Variants in TNPO1 observed in about 807,000 individuals in gnomAD.
TNPO1 encodes the protein transportin 1.
TNPO1 carries 8 observed loss-of-function variants against 119.5 expected under a neutral mutation model. That is an observed-to-expected ratio of 0.07 (90% CI 0.04 to 0.12). The LOEUF (loss-of-function observed/expected upper bound fraction) is 0.12. Among genes scored for constraint, TNPO1 ranks in the 10% least tolerant of loss-of-function variants. TNPO1 has a pLI of 1.00. For synonymous variants in TNPO1, 362 were observed against 363.0 expected, an observed-to-expected ratio of 1.00 and a Z score of 0.03; for missense variants, 576 against 1,089.8, an observed-to-expected ratio of 0.53 and a Z score of 6.64.
chr5:72,828,861 T>G (rs6891069), intron 1 of TNPO1, among the ~76,000 whole-genome samples: 15 of 152,240 alleles, frequency 9.9e-5, no homozygotes, highest in Admixed American at 9.8e-4. Context: ...ATGTGTATTA[T>G]AACTCTTCAT....
intron 1 of TNPO1, among the ~76,000 whole-genome samples, chr5:72,827,998 G>T (rs1290440454): frequency 6.6e-6 from 1 of 152,076 alleles, no homozygotes; most frequent in Non-Finnish European, 1.5e-5. Context: ...TGTCTTGTCA[G>T]ACGTTGGATA....
intron 4 of TNPO1, among the ~76,000 whole-genome samples, chr5:72,856,153 A>G (rs541861212): frequency 6.6e-6 from 1 of 152,348 alleles, no homozygotes; most frequent in Non-Finnish European, 1.5e-5. Context: ...TAGCCTAATC[A>G]GAGTTGGTTA....
rs537040711 is a variant in TNPO1 at position 72,871,333 on chromosome 5, G to A, written c.597-1306G>A. Among the ~76,000 whole-genome samples, 303 of 152,278 alleles carry A rather than the reference G, an allele frequency of 2.0e-3. 1 individual carries two copies. Among genetic ancestry groups the A allele is most frequent in the Non-Finnish European group, 3.5e-3 (239 of 68,016 alleles). On this transcript the variant is annotated intron_variant, in intron 6 of 24. Transcript: ENST00000337273. ...CTTTAAAGCATAGGTAGCTTACCCT[G>A]TGTTGAACATTTAAGGGGTTGAGCT...
intron 1 of TNPO1, among the ~76,000 whole-genome samples, chr5:72,838,264 G>A (rs1744770736): frequency 6.6e-6 from 1 of 152,122 alleles, no homozygotes; most frequent in Non-Finnish European, 1.5e-5. Context: ...ACATAAATAA[G>A]ACATTCCTGG....
intron 2 of TNPO1, among the ~76,000 whole-genome samples, chr5:72,849,248 G>A (rs1355088968): frequency 6.6e-6 from 1 of 152,160 alleles, no homozygotes; most frequent in African/African-American, 2.4e-5. Flanking sequence ...CGGTTTTAGA[G>A]ACAGGAAAGG....
At chr5:72,873,815 T>G (rs1747577575) in intron 7 of TNPO1, among the ~76,000 whole-genome samples, 1 of 152,130 alleles carries the variant, frequency 6.6e-6, no homozygotes, top group East Asian at 1.9e-4. Flanking sequence ...TTGACCTACC[T>G]TGTTGGATTG....
Position 72,843,542 on chromosome 5 carries a change from C to T in TNPO1, c.16-4843C>T, listed in dbSNP as rs187444071. On this transcript the variant is annotated intron_variant, in intron 1 of 24. Coordinates refer to ENST00000337273, the MANE Select transcript of TNPO1 (RefSeq NM_002270.4). ...CTGAGAGGCGGACGTTGCAGTGAGC[C>T]GAGATCGCACCACTGCACTCCAGCC... is the stretch of plus-strand genomic sequence containing the variant. 1.7e-4 allele frequency among the ~76,000 whole-genome samples: 26 copies of T among 150,846 alleles called. No individual in the cohort carries two copies. In the South Asian group the frequency reaches 5.0e-3, roughly 29 times the overall value.
intron 5 of TNPO1, among the ~76,000 whole-genome samples, chr5:72,864,454 T>G (rs1746730326): frequency 6.6e-6 from 1 of 152,198 alleles, no homozygotes; most frequent in African/African-American, 2.4e-5. Context: ...TTACATGTTA[T>G]GTACAAAGTC....
chr5:72,859,188 C>T (rs574977645), intron 4 of TNPO1, among the ~76,000 whole-genome samples: 1 of 152,164 alleles, frequency 6.6e-6, no homozygotes, highest in East Asian at 1.9e-4. Flanking sequence ...ATGTAGGACT[C>T]TGTTCCTCTA....
intron 20 of TNPO1, among the ~76,000 whole-genome samples, chr5:72,898,905 G>A (rs1749629579): frequency 6.6e-6 from 1 of 152,000 alleles, no homozygotes; most frequent in Non-Finnish European, 1.5e-5. Flanking sequence ...TTTTATGAAA[G>A]GTTAACCTGT....
At chr5:72,881,948 G>A (rs1363947428) in intron 9 of TNPO1, among the ~76,000 whole-genome samples, 2 of 152,038 alleles carry the variant, frequency 1.3e-5, no homozygotes, top group Non-Finnish European at 2.9e-5. Context: ...CTTTTTTTGA[G>A]TGGGACTTAC....
chr5:72,851,529 A>G (rs191379922), intron 3 of TNPO1, among the ~76,000 whole-genome samples: 109 of 152,276 alleles, frequency 7.2e-4, no homozygotes, highest in African/African-American at 2.5e-3. Context: ...GTCTCACTCT[A>G]TCACCCAGGC....
chr5:72,865,695 T>C lies in TNPO1; in HGVS notation c.562T>C (p.Leu188=). Reference sequence around the variant, plus strand: ...TCTCAACATCATGATTCCCAAATTTTTACAGTTCTTCAAGCATAGTAGTCC... The same window carrying C: ...TCTCAACATCATGATTCCCAAATTTCTACAGTTCTTCAAGCATAGTAGTCC... ...RPLNIMIPKF[L]QFFKHSSPKI... is the part of the protein sequence containing the mutation. Residue 188 remains leucine, a synonymous_variant, in exon 6 of 25, where the codon TTA becomes CTA. Transcript: ENST00000337273. The C allele has an allele frequency of 6.2e-7, 1 of 1,613,896 alleles. No homozygotes were observed. The highest frequency in any genetic ancestry group is 8.5e-7 in the Non-Finnish European group (1 of 1,179,880).
In TNPO1 at chr5:72,875,626, A is replaced by G. The variant is rs768828485; in HGVS notation, c.690A>G (p.Ala230=). The change falls in exon 8 of 25, where the codon GCA becomes GCG. Residue 230 remains alanine, a synonymous_variant. Coordinates refer to ENST00000337273, the MANE Select transcript of TNPO1 (RefSeq NM_002270.4). The part of the protein sequence containing the change: ...HIDSFIENLF[A]LAGDEEPEVR... ...TTCTTGTGCAACAGAATCTCTTTGC[A>G]TTAGCTGGTGATGAAGAACCAGAGG... 11 of 1,612,632 alleles carry G rather than the reference A, an allele frequency of 6.8e-6. No individual in the cohort carries two copies. Among genetic ancestry groups the G allele is most frequent in the Non-Finnish European group, 8.5e-6 (10 of 1,178,788 alleles).
intron 4 of TNPO1, among the ~76,000 whole-genome samples, chr5:72,857,808 A>G (rs893757189): frequency 6.6e-6 from 1 of 152,270 alleles, no homozygotes; most frequent in African/African-American, 2.4e-5. Flanking sequence ...TTGAAAGGTT[A>G]GAAGTAATAA....
At chr5:72,864,279 T>C (rs1368911300) in intron 5 of TNPO1, among the ~76,000 whole-genome samples, 1 of 152,214 alleles carries the variant, frequency 6.6e-6, no homozygotes, top group Non-Finnish European at 1.5e-5. Context: ...AGATTTAATA[T>C]TTTTAAGATA....
chr5:72,872,991 C>CT (rs1160322023), intron 7 of TNPO1, among the ~76,000 whole-genome samples: 1 of 152,136 alleles, frequency 6.6e-6, no homozygotes, highest in Middle Eastern at 3.4e-3. Flanking sequence ...ATCTTGACTA[C>CT]TTTAAAAATT....
intron 8 of TNPO1, among the ~76,000 whole-genome samples, chr5:72,876,961 G>A (rs1040323038): frequency 6.6e-6 from 1 of 151,840 alleles, no homozygotes; most frequent in African/African-American, 2.4e-5. Context: ...CGGGTGTGGT[G>A]GCAGGCGCCT....
At chr5:72,897,350 G>C (rs1749504387) in intron 20 of TNPO1, among the ~76,000 whole-genome samples, 199 bp downstream of exon 20, 1 of 152,090 alleles carries the variant, frequency 6.6e-6, no homozygotes. Flanking sequence ...ATATTCAGTG[G>C]TATAACCAGA....
Sources: gnomAD v4.1 joint callset for allele counts (sites outside exome capture counted in the v4.1 genomes callset) on GRCh38, gnomAD v4.1.1 for gene constraint, MANE v1.5 for transcripts, NCBI Gene and HGNC (gene_info 2026-07-23, HGNC 2026-07-21) for gene names.